The following VARS2 variants were observed in gnomAD, a reference collection of about 807,000 sequenced individuals.
VARS2 encodes the protein valine--tRNA ligase, mitochondrial.
In VARS2, 105 loss-of-function variants were observed where a neutral mutation model predicts 154.1. The observed-to-expected ratio is 0.68, with a 90% CI of 0.58 to 0.80. The LOEUF (loss-of-function observed/expected upper bound fraction) is 0.80. Ranked by LOEUF, VARS2 falls within the 30% of genes least tolerant of loss-of-function variation. VARS2 has a pLI of 0.00. For missense variants in VARS2, 1,157 were observed against 1,361.4 expected, an observed-to-expected ratio of 0.85 and a Z score of 2.36; for synonymous variants, 483 against 539.5, an observed-to-expected ratio of 0.90 and a Z score of 1.45.
At position 30,918,654 on chromosome 6, in the gene VARS2, AC is replaced by A. The variant is rs749231753; in HGVS notation, c.986-170del. The A allele has an allele frequency of 8.0e-5, 45 of 559,206 alleles. 3 individuals are homozygous for A. Among genetic ancestry groups the A allele is most frequent in the Non-Finnish European group, 1.4e-4 (42 of 304,594 alleles). The allele number at this position is 559,206 out of a possible 1,614,324, so 34.6% of individuals were successfully genotyped here. A position where few individuals can be genotyped will look rare whatever the true frequency, so the allele number is the denominator to read the frequency against. On this transcript the variant is annotated intron_variant, in intron 10 of 29. Transcript: ENST00000676266. ...ACCTCTGGTCATCAGCTTATGGGAA[AC>A]CCTGGGTTCCTATAAACACTGCTCC...
rs1294662680 is a variant in VARS2 at position 30,919,060 on chromosome 6, C to A, written c.1074+145C>A. ...AGTGGTTCTGATTGGACTCCCTCCT[C>A]CTCTTATAGTTTTTCTGTAGCTCAG... On this transcript the variant is annotated intron_variant, in intron 11 of 29. Transcript: ENST00000676266. The surrounding 1 kb of genome is among the most constrained non-coding windows in gnomAD (Gnocchi z 4.5). 4 of 706,820 alleles carry A rather than the reference C, an allele frequency of 5.7e-6. No homozygotes were observed. Among genetic ancestry groups the A allele is most frequent in the Non-Finnish European group, 9.4e-6 (4 of 424,604 alleles). 43.8% of individuals were successfully genotyped at this position (706,820 alleles called of 1,614,324 possible). A position where few individuals can be genotyped will look rare whatever the true frequency, so the allele number is the denominator to read the frequency against.
intron 26 of VARS2, 75 bp downstream of exon 26, chr6:30,924,635 G>T (rs1794732188): frequency 2.6e-6 from 2 of 762,142 alleles, no homozygotes; most frequent in Non-Finnish European, 4.2e-6. Context: ...TTGCTGCAGG[G>T]GGCTCATCTG....
At position 30,915,859 on chromosome 6, in the gene VARS2, C is replaced by A. The variant is rs773006595; in HGVS notation, c.498C>A (p.Leu166=). ...TCACGGTGGCCATACAGGATGCCCT[C>A]GTGCGCTGGTGAGAGGGGAGTGGGG... The part of the protein sequence containing the change: ...HALTVAIQDA[L]VRWHRMRGDQ... The change falls in exon 5 of 30, where the codon CTC becomes CTA. Residue 166 remains leucine, a synonymous_variant. Coordinates refer to ENST00000676266, the MANE Select transcript of VARS2 (RefSeq NM_020442.6). 1 of 1,613,914 alleles carries A rather than the reference C, an allele frequency of 6.2e-7. No homozygotes were observed. The highest frequency in any genetic ancestry group is 1.3e-5 in the African/African-American group (1 of 74,876).
chr6:30,920,305 G>C lies in VARS2; in HGVS notation c.1294-28G>C. ...TTTCTTATTTCTCTAGAGGCCTTCAGTCTTTACTCTTGCCGCTTTTTCTCC... is the reference window on the plus strand; with the variant it reads ...TTTCTTATTTCTCTAGAGGCCTTCACTCTTTACTCTTGCCGCTTTTTCTCC... On this transcript the variant is annotated intron_variant, in intron 13 of 29. Coordinates refer to ENST00000676266, the MANE Select transcript of VARS2 (RefSeq NM_020442.6). This position sits in a 1 kb window ranked among gnomAD's most constrained non-coding sequence, Gnocchi z 4.6. 1.9e-6 allele frequency: 3 copies of C among 1,597,028 alleles called. No individual in the cohort carries two copies. The highest frequency in any genetic ancestry group is 2.6e-6 in the Non-Finnish European group (3 of 1,173,312).
Position 30,914,252 on chromosome 6 carries a change from C to T in VARS2, c.-120C>T, listed in dbSNP as rs1470510884. ...GCCGGGGCCCCGCCCCCATGCGCCGCGCGGCTCCAGGGCCACGTTCCAGGG... is the reference window on the plus strand; with the variant it reads ...GCCGGGGCCCCGCCCCCATGCGCCGTGCGGCTCCAGGGCCACGTTCCAGGG... On this transcript the variant is annotated 5_prime_UTR_variant, in exon 1 of 30. Transcript: ENST00000676266. The T allele has an allele frequency of 1.3e-6, 1 of 773,404 alleles. No homozygotes were observed. The highest frequency in any genetic ancestry group is 1.8e-6 in the Non-Finnish European group (1 of 567,588). The allele number at this position is 773,404 out of a possible 1,614,324, so 47.9% of individuals were successfully genotyped here.
At chr6:30,915,549 C>A in intron 4 of VARS2, 94 bp downstream of exon 4, 1 of 1,460,670 alleles carries the variant, frequency 6.8e-7, no homozygotes, top group Non-Finnish European at 9.4e-7. Context: ...ACATTGTAGA[C>A]CTTGTCTTCT....
rs771093975 is a variant in VARS2 at position 30,917,748 on chromosome 6, C to T, written c.927C>T (p.Pro309=). The T allele has an allele frequency of 1.3e-6, 2 of 1,567,814 alleles. No homozygotes were observed. Among genetic ancestry groups the T allele is most frequent in the African/African-American group, 1.4e-5 (1 of 74,050 alleles). Residue 309 remains proline (P), a synonymous_variant, in exon 10 of 30, where the codon CCC becomes CCT. Coordinates refer to ENST00000676266, the MANE Select transcript of VARS2 (RefSeq NM_020442.6). The surrounding 1 kb of genome is among the most constrained non-coding windows in gnomAD (Gnocchi z 4.4). ...CACAGCTTCGACTGCCTGGCTGCCC[C>T]ACCCCCGTGTCTTTTGGCCTCCTAT... ...GHTQLRLPGC[P]TPVSFGLLFS...
intron 20 of VARS2, 33 bp from the exon 21 acceptor site, chr6:30,922,417 A>G (rs753313093): frequency 1.3e-5 from 21 of 1,610,302 alleles, no homozygotes; most frequent in Admixed American, 6.7e-5. Flanking sequence ...CCTCCAAGGA[A>G]ACCCCCCTCT....
In VARS2 at chr6:30,922,729, C is replaced by T. The variant is rs151230228; in HGVS notation, c.2061C>T (p.Ser687=). 4.7e-5 allele frequency: 75 copies of T among 1,612,678 alleles called. No homozygotes were observed. In the African/African-American group the frequency reaches 7.2e-4, roughly 15 times the overall value. Residue 687 remains serine (S), a synonymous_variant, in exon 22 of 30, where the codon AGC becomes AGT. Coordinates refer to ENST00000676266, the MANE Select transcript of VARS2 (RefSeq NM_020442.6). ...AGGTGCTGCAGGAAAAGCTGAGAAG[C>T]GGAAATTTGGACCCTGCAGAGCTGG... is the stretch of plus-strand genomic sequence containing the variant. ...EMQVLQEKLR[S]GNLDPAELAI... is the part of the protein sequence containing the mutation.
chr6:30,916,611 T>C lies in VARS2; in HGVS notation c.672-267T>C, dbSNP rs1794194586. ...TACCCTCATTCTTCTGGGTCTGTTA[T>C]CTCATGCCATCTCTGTGAAGCATCC... On this transcript the variant is annotated intron_variant, in intron 7 of 29. Coordinates refer to ENST00000676266, the MANE Select transcript of VARS2 (RefSeq NM_020442.6). This position sits in a 1 kb window ranked among gnomAD's most constrained non-coding sequence, Gnocchi z 4.0. 2 of 538,328 alleles carry C rather than the reference T, an allele frequency of 3.7e-6. No individual in the cohort carries two copies. The highest frequency in any genetic ancestry group is 2.6e-5 in the South Asian group (1 of 37,786). 33.3% of individuals were successfully genotyped at this position (538,328 alleles called of 1,614,324 possible). A position where few individuals can be genotyped will look rare whatever the true frequency, so the allele number is the denominator to read the frequency against.
In VARS2 at chr6:30,920,190, A is replaced by G; in HGVS notation, c.1267A>G (p.Thr423Ala). 1 of 1,587,518 alleles carries G rather than the reference A, an allele frequency of 6.3e-7. No individual in the cohort carries two copies. Residue 423 changes from threonine (T) to alanine (A), a missense_variant, in exon 13 of 30, where the codon ACC (threonine) becomes GCC (alanine). Thr to Ala is a moderately conservative substitution (Grantham distance 58). Transcript: ENST00000676266. The surrounding 1 kb of genome is among the most constrained non-coding windows in gnomAD (Gnocchi z 4.6). Reference sequence around the variant, plus strand: ...TGTCATTGCGGAGGATGGGACCATGACCTCCCTCTGCGGGGACTGGCTGCA... The same window carrying G: ...TGTCATTGCGGAGGATGGGACCATGGCCTCCCTCTGCGGGGACTGGCTGCA... ...LNVIAEDGTMTSLCGDWLQGL... is the reference protein window; with the variant it reads ...LNVIAEDGTMASLCGDWLQGL...
In VARS2 at chr6:30,923,109, G is replaced by A. The variant is rs751661981; in HGVS notation, c.2191G>A (p.Asp731Asn). ...TLCSHGVQAGDLHLSVSEVQS... is the reference protein window; with the variant it reads ...TLCSHGVQAGNLHLSVSEVQS... ...CCTCGATTCTTCCCTTCCAGCGGGC[G>A]ACTTGCACCTGTCAGTCTCTGAGGT... is the stretch of plus-strand genomic sequence containing the variant. Residue 731 changes from aspartate to asparagine, a missense_variant, in exon 24 of 30, where the codon GAC becomes AAC. Physicochemically the swap from Asp to Asn is conservative, Grantham distance 23. Coordinates refer to ENST00000676266, the MANE Select transcript of VARS2 (RefSeq NM_020442.6). 19 of 1,612,916 alleles carry A rather than the reference G, an allele frequency of 1.2e-5. No individual in the cohort carries two copies. Among genetic ancestry groups the A allele is most frequent in the South Asian group, 2.2e-5 (2 of 91,092 alleles).
In VARS2 at chr6:30,925,380, C is replaced by T; in HGVS notation, c.2780C>T (p.Pro927Leu). ...RATYQLTKAR[P>L]RVLLQSSEPG... ...ACGTACCAGCTCACCAAAGCCCGGC[C>T]CCGAGGTGAGGCAAGGCGGGTCCTG... The change falls in exon 27 of 30, where the codon CCC (proline) becomes CTC (leucine). Residue 927 changes from proline to leucine, a missense_variant. Transcript: ENST00000676266. 15 of 1,609,160 alleles carry T rather than the reference C, an allele frequency of 9.3e-6. No homozygotes were observed. Among genetic ancestry groups the T allele is most frequent in the Non-Finnish European group, 1.3e-5 (15 of 1,177,762 alleles).
rs761767299 is a variant in VARS2 at position 30,924,423 on chromosome 6, G to A, written c.2536G>A (p.Ala846Thr). 7.4e-6 allele frequency: 12 copies of A among 1,612,828 alleles called. No homozygotes were observed. The Admixed American group carries it at 1.0e-4, about 13-fold the overall frequency. ...GCCCCCTCAGGTCCTGTTCTCCTGC[G>A]CTGACCTCGGCCTCCGCCTCCTGGC... ...LGPPQVLFSC[A>T]DLGLRLLAPL... The change falls in exon 26 of 30, where the codon GCT becomes ACT. Residue 846 changes from alanine (A) to threonine (T), a missense_variant. Transcript: ENST00000676266.
intron 22 of VARS2, 51 bp from the exon 23 acceptor site, chr6:30,922,847 G>A (rs1794613903): frequency 6.3e-7 from 1 of 1,580,686 alleles, no homozygotes; most frequent in African/African-American, 1.3e-5. Flanking sequence ...CCAGGTCCTG[G>A]CCCTGCAGCC....
Position 30,921,479 on chromosome 6 carries a change from C to T in VARS2, c.1633-110C>T. 1.4e-6 allele frequency: 2 copies of T among 1,441,162 alleles called. No individual in the cohort carries two copies. Among genetic ancestry groups the T allele is most frequent in the Non-Finnish European group, 1.9e-6 (2 of 1,048,142 alleles). 89.3% of individuals were successfully genotyped at this position (1,441,162 alleles called of 1,614,324 possible). ...GAAGTGGCATTTCTTTATCTCACCC[C>T]TGGGGGAACCTGGCCACTCTAAGAC... On this transcript the variant is annotated intron_variant, in intron 17 of 29. Transcript: ENST00000676266. The surrounding 1 kb of genome is among the most constrained non-coding windows in gnomAD (Gnocchi z 4.6).
At chr6:30,923,273 G>A in intron 24 of VARS2, 42 bp downstream of exon 24, 2 of 1,611,016 alleles carry the variant, frequency 1.2e-6, no homozygotes, top group Non-Finnish European at 1.7e-6. Context: ...GTAGTCAGGT[G>A]TCAGAGGGCC....
chr6:30,915,569 T>C (rs1469106193), intron 4 of VARS2, 114 bp downstream of exon 4: 2 of 1,437,416 alleles, frequency 1.4e-6, no homozygotes, highest in East Asian at 4.6e-5. Context: ...TTTCTGGCTC[T>C]GGTGTCTCCA....
intron 21 of VARS2, 35 bp from the exon 22 acceptor site, chr6:30,922,671 G>T (rs1294317537): frequency 1.9e-6 from 3 of 1,602,132 alleles, no homozygotes; most frequent in Non-Finnish European, 1.7e-6. Context: ...CAGGGCCTTC[G>T]ACCTGGGTCG....
Sources: gnomAD v4.1 joint callset for allele counts on GRCh38, gnomAD v4.1.1 for gene constraint, Gnocchi (gnomAD v3.1) non-coding constraint, MANE v1.5 for transcripts, NCBI Gene and HGNC (gene_info 2026-07-23, HGNC 2026-07-21) for gene names.